The following WASHC2A variants were observed in gnomAD, a reference collection of about 807,000 sequenced individuals.
The protein encoded by WASHC2A is WASH complex subunit FAM21A.
In WASHC2A, 82 loss-of-function variants were observed where a neutral mutation model predicts 140.3. That is an observed-to-expected ratio of 0.58 (90% CI 0.49 to 0.70). The LOEUF (loss-of-function observed/expected upper bound fraction) is 0.70, where lower values mean the gene tolerates loss of function less well. Ranked by LOEUF, WASHC2A falls within the 30% of genes least tolerant of loss-of-function variation. WASHC2A has a pLI of 0.00. For missense variants in WASHC2A, 985 were observed against 1,521.8 expected (o/e 0.65, Z 5.87); for synonymous variants, 340 against 560.8 (o/e 0.61, Z 5.56).
intron 30 of WASHC2A, among the ~76,000 whole-genome samples, chr10:50,131,974 T>A (rs1844015165): frequency 6.6e-6 from 1 of 152,274 alleles, no homozygotes; most frequent in South Asian, 2.1e-4. Flanking sequence ...CACAGTGATA[T>A]TAATATATGT....
chr10:50,103,963 T>C, intron 17 of WASHC2A, 79 bp from the exon 18 acceptor site: 1 of 1,294,600 alleles, frequency 7.7e-7, no homozygotes, highest in East Asian at 2.3e-5. Flanking sequence ...CATGTCTGAG[T>C]CACTTGTGTT....
At chr10:50,129,331 A>C in intron 28 of WASHC2A, 88 bp from the exon 29 acceptor site, 1 of 1,608,916 alleles carries the variant, frequency 6.2e-7, no homozygotes, top group Admixed American at 1.7e-5. Flanking sequence ...ATAACCTTAC[A>C]ATATTTTGAG....
intron 8 of WASHC2A, among the ~76,000 whole-genome samples, chr10:50,087,813 TTTA>T (rs1839515541): frequency 6.6e-6 from 1 of 152,146 alleles, no homozygotes; most frequent in Admixed American, 6.5e-5. Context: ...TGTATCCTTA[TTTA>T]TTATTATTAT....
Position 50,097,531 on chromosome 10 carries a change from C to T in WASHC2A, c.1421-144C>T, listed in dbSNP as rs1840604928. On this transcript the variant is annotated intron_variant, in intron 15 of 30. Transcript: ENST00000282633. ...AAAATTCCAAGGGAAGAGTATAGTT[C>T]CACTTACTATTTCTTTATAACTAAT... 4 of 690,408 alleles carry T rather than the reference C, an allele frequency of 5.8e-6. No homozygotes were observed. In the South Asian group the frequency reaches 7.8e-5, roughly 13 times the overall value. The allele number at this position is 690,408 out of a possible 1,614,324, so 42.8% of individuals were successfully genotyped here.
intron 5 of WASHC2A, among the ~76,000 whole-genome samples, chr10:50,081,927 C>G (rs1169977389): frequency 6.6e-6 from 1 of 152,154 alleles, no homozygotes; most frequent in Non-Finnish European, 1.5e-5. Flanking sequence ...GCCACCGCAC[C>G]CAGCCTGAAC....
chr10:50,105,677 C>T (rs1366044605), intron 18 of WASHC2A, among the ~76,000 whole-genome samples: 1 of 150,612 alleles, frequency 6.6e-6, no homozygotes, highest in Non-Finnish European at 1.5e-5. Flanking sequence ...CTTTTGTTCC[C>T]CTTATCTGAA....
intron 19 of WASHC2A, 114 bp downstream of exon 19, chr10:50,106,579 G>A: frequency 6.7e-7 from 1 of 1,487,424 alleles, no homozygotes; most frequent in Non-Finnish European, 9.1e-7. Flanking sequence ...AGTCACCAAA[G>A]GCGATGTTCA....
At chr10:50,127,072 G>A in intron 26 of WASHC2A, 88 bp from the exon 27 acceptor site, 1 of 1,420,462 alleles carries the variant, frequency 7.0e-7, no homozygotes, top group Non-Finnish European at 9.9e-7. Flanking sequence ...TGACAGTTTT[G>A]CTCCATCACA....
chr10:50,077,513 A>G (rs1177761203), intron 3 of WASHC2A, among the ~76,000 whole-genome samples: 1 of 151,972 alleles, frequency 6.6e-6, no homozygotes, highest in Admixed American at 6.6e-5. Flanking sequence ...TTGAGATAGA[A>G]TTCACATACC....
At chr10:50,121,226 C>T (rs1196469499) in intron 23 of WASHC2A, among the ~76,000 whole-genome samples, 1 of 150,168 alleles carries the variant, frequency 6.7e-6, no homozygotes, top group Non-Finnish European at 1.5e-5. Context: ...TTGCAGATGG[C>T]ATGATCTTTT....
At chr10:50,124,089 GGTTT>G (rs1843213114) in intron 23 of WASHC2A, among the ~76,000 whole-genome samples, 1 of 144,336 alleles carries the variant, frequency 6.9e-6, no homozygotes, top group Admixed American at 6.9e-5. Flanking sequence ...TAGTTTTTTT[GGTTT>G]TTTTGTTTTG....
intron 3 of WASHC2A, among the ~76,000 whole-genome samples, chr10:50,075,773 C>A (rs1489705185): frequency 1.3e-5 from 2 of 152,212 alleles, no homozygotes; most frequent in African/African-American, 4.8e-5. Context: ...CTGCTGTTTG[C>A]CAGTATCATA....
chr10:50,087,696 C>A (rs1378064233), intron 8 of WASHC2A, among the ~76,000 whole-genome samples: 2 of 152,100 alleles, frequency 1.3e-5, no homozygotes, highest in Non-Finnish European at 2.9e-5. Flanking sequence ...AAACTTCTTA[C>A]CCTACTGTCT....
chr10:50,090,512 AAAAAT>A (rs1463837376), intron 8 of WASHC2A, among the ~76,000 whole-genome samples: 5 of 115,666 alleles, frequency 4.3e-5, no homozygotes, highest in African/African-American at 1.7e-4. Flanking sequence ...CAAAAAAAAA[AAAAAT>A]ATATATATAT....
At chr10:50,128,813 CTAAG>C (rs1170201489) in intron 28 of WASHC2A, among the ~76,000 whole-genome samples, 361 of 152,184 alleles carry the variant, frequency 2.4e-3, no homozygotes, top group Non-Finnish European at 4.1e-3. Context: ...ATCATTGCTA[CTAAG>C]TGATTCATGT....
chr10:50,110,544 T>A (rs1382440359), intron 20 of WASHC2A, among the ~76,000 whole-genome samples: 13 of 151,854 alleles, frequency 8.6e-5, no homozygotes, highest in Non-Finnish European at 1.5e-5. Context: ...ATCTTTTGTT[T>A]GTGATTTTTC....
At chr10:50,106,567 T>G (rs1841804104) in intron 19 of WASHC2A, 102 bp downstream of exon 19, 1 of 1,522,302 alleles carries the variant, frequency 6.6e-7, no homozygotes, top group Admixed American at 2.1e-5. Flanking sequence ...CTCGTGATGT[T>G]CAGTCACCAA....
intron 7 of WASHC2A, 91 bp from the exon 8 acceptor site, chr10:50,087,184 A>G (rs1839460213): frequency 6.4e-7 from 1 of 1,563,614 alleles, no homozygotes; most frequent in South Asian, 1.1e-5. Context: ...TTGACATAGA[A>G]TCAGCCTGCC....
intron 11 of WASHC2A, among the ~76,000 whole-genome samples, 195 bp from the exon 12 acceptor site, chr10:50,093,073 C>CAG (rs1840091883): frequency 1.2e-5 from 1 of 86,332 alleles, no homozygotes; most frequent in Non-Finnish European, 2.7e-5. Flanking sequence ...AGTGGAGGCC[C>CAG]AGAGAGTCTT....
Sources: allele counts gnomAD v4.1 joint callset (sites outside exome capture counted in the v4.1 genomes callset), GRCh38; gene constraint gnomAD v4.1.1; transcripts MANE v1.5; gene names NCBI Gene and HGNC (gene_info 2026-07-23, HGNC 2026-07-21).